The following SLC22A3 variants were observed in gnomAD, a reference collection of about 807,000 sequenced individuals.
SLC22A3 encodes solute carrier family 22 member 3.
SLC22A3 carries 51 observed loss-of-function variants against 59.1 expected under a neutral mutation model. The ratio of observed to expected loss-of-function variants is 0.86; its 90% CI spans 0.69 to 1.09. The LOEUF (loss-of-function observed/expected upper bound fraction) is 1.09, where lower values mean the gene tolerates loss of function less well. Among genes scored for constraint, SLC22A3 ranks in the 50% least tolerant of loss-of-function variants. The probability of loss-of-function intolerance (pLI) is 0.00; values close to 1 mark genes in which losing one functional copy is unlikely to be tolerated. For missense variants in SLC22A3, 711 were observed against 726.3 expected (o/e 0.98, Z 0.24); for synonymous variants, 325 against 292.0 (o/e 1.11, Z -1.15).
chr6:160,352,298 G>A (rs1324597384), intron 1 of SLC22A3, among the ~76,000 whole-genome samples: 5 of 152,244 alleles, frequency 3.3e-5, no homozygotes, highest in Non-Finnish European at 7.3e-5. Flanking sequence ...AGGCAAGGCA[G>A]TGGATTTATC....
chr6:160,371,883 A>G (rs1170037944), intron 1 of SLC22A3, among the ~76,000 whole-genome samples: 2 of 152,170 alleles, frequency 1.3e-5, no homozygotes, highest in African/African-American at 2.4e-5. Flanking sequence ...CTGGCTTGAT[A>G]TGGTATCTCA....
chr6:160,385,297 G>C (rs1785958295), intron 1 of SLC22A3, among the ~76,000 whole-genome samples: 2 of 152,220 alleles, frequency 1.3e-5, no homozygotes, highest in Admixed American at 1.3e-4. Flanking sequence ...TCTGTAGATG[G>C]ACAGAGTTGT....
chr6:160,361,163 G>A (rs1184600692), intron 1 of SLC22A3, among the ~76,000 whole-genome samples: 1 of 152,208 alleles, frequency 6.6e-6, no homozygotes, highest in Non-Finnish European at 1.5e-5. Context: ...AGGATGGATT[G>A]TTGGCTAACT....
chr6:160,362,239 T>A (rs541972308), intron 1 of SLC22A3, among the ~76,000 whole-genome samples: 6 of 152,224 alleles, frequency 3.9e-5, no homozygotes, highest in Non-Finnish European at 7.3e-5. Flanking sequence ...AATAATTCAA[T>A]CACCAAATTT....
At chr6:160,359,972 A>T (rs1784962022) in intron 1 of SLC22A3, among the ~76,000 whole-genome samples, 1 of 152,212 alleles carries the variant, frequency 6.6e-6, no homozygotes, top group South Asian at 2.1e-4. Context: ...TATTACAACT[A>T]TTAGAAGAAT....
chr6:160,385,440 G>A (rs972634209), intron 1 of SLC22A3, among the ~76,000 whole-genome samples: 5 of 152,188 alleles, frequency 3.3e-5, no homozygotes, highest in Non-Finnish European at 5.9e-5. Context: ...AGGAGCTCTG[G>A]CCACTTTTCC....
intron 1 of SLC22A3, among the ~76,000 whole-genome samples, chr6:160,375,974 A>T (rs1785574767): frequency 6.6e-6 from 1 of 152,042 alleles, no homozygotes; most frequent in Non-Finnish European, 1.5e-5. Context: ...AATCATGTCT[A>T]CCTCACAGTA....
intron 1 of SLC22A3, among the ~76,000 whole-genome samples, chr6:160,374,757 A>G (rs1160879952): frequency 6.6e-6 from 1 of 152,222 alleles, no homozygotes; most frequent in Admixed American, 6.5e-5. Flanking sequence ...GACCTGGATC[A>G]AGAAGGGCCA....
intron 2 of SLC22A3, among the ~76,000 whole-genome samples, chr6:160,401,364 C>T (rs11968370): frequency 0.02 from 2,990 of 151,888 alleles, 94 homozygotes; most frequent in Middle Eastern, 0.11. Context: ...CACCCTACTT[C>T]TTTTCAGAAA....
intron 5 of SLC22A3, among the ~76,000 whole-genome samples, chr6:160,430,041 T>G (rs1307990108): frequency 6.6e-6 from 1 of 151,994 alleles, no homozygotes; most frequent in Non-Finnish European, 1.5e-5. Flanking sequence ...TACTATGACA[T>G]ATTGTGTGCC....
intron 5 of SLC22A3, among the ~76,000 whole-genome samples, chr6:160,411,295 T>G (rs1197533698): frequency 6.6e-6 from 1 of 152,224 alleles, no homozygotes; most frequent in African/African-American, 2.4e-5. Flanking sequence ...AAAAAAAATC[T>G]GTTTATTCAT....
intron 1 of SLC22A3, among the ~76,000 whole-genome samples, chr6:160,352,633 T>C (rs531623057): frequency 6.6e-5 from 10 of 152,342 alleles, no homozygotes; most frequent in African/African-American, 1.7e-4. Context: ...GAATCACTTT[T>C]TCCCTTCCAG....
rs375695089 is a variant in SLC22A3 at position 160,370,682 on chromosome 6, T to C, written c.429+21834T>C. 7.4e-4 allele frequency among the ~76,000 whole-genome samples: 113 copies of C among 152,356 alleles called. 4 individuals carry two copies. In the South Asian group the frequency reaches 0.023, roughly 30 times the overall value. ...AAAGCTTAAACTATTTTCACATTTG[T>C]TCCTTCAGTCCAGGCTTCCTAAAAA... is the stretch of plus-strand genomic sequence containing the variant. On this transcript the variant is annotated intron_variant, in intron 1 of 10. Transcript: ENST00000275300.
chr6:160,438,059 G>A (rs79137224), intron 7 of SLC22A3, among the ~76,000 whole-genome samples: 2,623 of 152,262 alleles, frequency 0.017, 65 homozygotes, highest in African/African-American at 0.058. Context: ...TATGAGCAGG[G>A]GGAGATGCTG....
At chr6:160,425,758 A>T (rs1787928477) in intron 5 of SLC22A3, 1 of 935,630 alleles carries the variant, frequency 1.1e-6, no homozygotes, top group Non-Finnish European at 1.3e-6. Flanking sequence ...GCTATTAATT[A>T]TGGAAACTAG....
chr6:160,445,838 C>T lies in SLC22A3; in HGVS notation c.1511-1881C>T, dbSNP rs187452550. Among the ~76,000 whole-genome samples, 39 of 152,226 alleles carry T rather than the reference C, an allele frequency of 2.6e-4. No homozygotes were observed. The East Asian group carries it at 3.3e-3, about 13-fold the overall frequency. Reference sequence around the variant, plus strand: ...CTGCAGGGTGATGGGGCTCTGTGTCCGCTGTGCATAATTTGAGGCACCTGG... The same window carrying T: ...CTGCAGGGTGATGGGGCTCTGTGTCTGCTGTGCATAATTTGAGGCACCTGG... On this transcript the variant is annotated intron_variant, in intron 9 of 10. Coordinates refer to ENST00000275300, the MANE Select transcript of SLC22A3 (RefSeq NM_021977.4).
chr6:160,419,440 G>A (rs143759051), intron 5 of SLC22A3, among the ~76,000 whole-genome samples: 1 of 152,242 alleles, frequency 6.6e-6, no homozygotes, highest in East Asian at 1.9e-4. Context: ...TGCTGTCTTT[G>A]TTAACTGTTG....
intron 1 of SLC22A3, among the ~76,000 whole-genome samples, chr6:160,355,821 G>C (rs928384338): frequency 6.6e-6 from 1 of 151,970 alleles, no homozygotes; most frequent in Non-Finnish European, 1.5e-5. Flanking sequence ...TTTCTCATGA[G>C]GCTGTTCCGT....
chr6:160,411,555 A>T (rs991926027), intron 5 of SLC22A3, among the ~76,000 whole-genome samples: 2 of 152,010 alleles, frequency 1.3e-5, no homozygotes. Flanking sequence ...TGGGCAACAT[A>T]GCAAGACCCC....
Sources: gnomAD v4.1 joint callset for allele counts (sites outside exome capture counted in the v4.1 genomes callset) on GRCh38, gnomAD v4.1.1 for gene constraint, MANE v1.5 for transcripts, NCBI Gene and HGNC (gene_info 2026-07-23, HGNC 2026-07-21) for gene names.